USP38: variants seen among roughly 807,000 people sequenced by gnomAD.
USP38 encodes the protein ubiquitin specific peptidase 38.
A neutral mutation model predicts 94.3 loss-of-function variants in USP38; 49 were observed. That is an observed-to-expected ratio of 0.52 (90% CI 0.41 to 0.66). The LOEUF (loss-of-function observed/expected upper bound fraction) is 0.66. Ranked by LOEUF, USP38 falls within the 30% of genes least tolerant of loss-of-function variation. The probability of loss-of-function intolerance (pLI) is 0.00; values close to 1 mark genes in which losing one functional copy is unlikely to be tolerated. For synonymous variants in USP38, 468 were observed against 463.6 expected, an observed-to-expected ratio of 1.01 and a Z score of -0.12; for missense variants, 1,128 against 1,229.4, an observed-to-expected ratio of 0.92 and a Z score of 1.23.
chr4:143,194,918 T>G (rs900737571), intron 2 of USP38, among the ~76,000 whole-genome samples: 3 of 151,776 alleles, frequency 2.0e-5, no homozygotes, highest in Non-Finnish European at 2.9e-5. Context: ...TTCACTAAAT[T>G]GGGTAATTTA....
chr4:143,188,015 A>G, intron 2 of USP38, 54 bp downstream of exon 2: 1 of 1,517,596 alleles, frequency 6.6e-7, no homozygotes, highest in Non-Finnish European at 8.8e-7. Context: ...AAGAGGAAGT[A>G]TTTTGTATTT....
At chr4:143,197,401 T>C (rs1406269264) in intron 3 of USP38, among the ~76,000 whole-genome samples, 1 of 152,206 alleles carries the variant, frequency 6.6e-6, no homozygotes, top group Non-Finnish European at 1.5e-5. Context: ...TTTTATTGTT[T>C]CTACCTGCCC....
In USP38 at chr4:143,195,966, T is replaced by G. The variant is rs148341008; in HGVS notation, c.948+121T>G. ...TATGTTATTGTTGTTTTGTTTTGAATAACAGTTTGAATAGGCTTTAGAAAT... is the reference window on the plus strand; with the variant it reads ...TATGTTATTGTTGTTTTGTTTTGAAGAACAGTTTGAATAGGCTTTAGAAAT... On this transcript the variant is annotated intron_variant, in intron 3 of 9. Transcript: ENST00000307017. 1.7e-5 allele frequency: 17 copies of G among 989,778 alleles called. No individual in the cohort carries two copies. In the African/African-American group the frequency reaches 1.8e-4, roughly 11 times the overall value. 61.3% of individuals were successfully genotyped at this position (989,778 alleles called of 1,614,324 possible).
At chr4:143,205,901 C>T in intron 5 of USP38, 132 bp from the exon 6 acceptor site, 1 of 634,248 alleles carries the variant, frequency 1.6e-6, no homozygotes, top group Non-Finnish European at 2.4e-6. Flanking sequence ...CTGCCAGTTA[C>T]TTCAAAACTA....
At position 143,203,537 on chromosome 4, in the gene USP38, CTCTAT is replaced by C; in HGVS notation, c.1181_1185del (p.Leu394ArgfsTer12). 6.2e-7 allele frequency: 1 copy of C among 1,612,324 alleles called. No individual in the cohort carries two copies. The highest frequency in any genetic ancestry group is 8.5e-7 in the Non-Finnish European group (1 of 1,179,398). On this transcript the variant is annotated frameshift_variant, in exon 5 of 10. Coordinates refer to ENST00000307017, the MANE Select transcript of USP38 (RefSeq NM_032557.6). LOFTEE classifies it high-confidence loss of function. ...GTATCATTATTCTGGATTTCCAGAT[CTCTAT>C]GAACCTATTCTGGAGGCAATAAAGG... is the stretch of plus-strand genomic sequence containing the variant.
intron 9 of USP38, among the ~76,000 whole-genome samples, chr4:143,216,463 A>G (rs1252261134): frequency 6.6e-6 from 1 of 150,744 alleles, no homozygotes; most frequent in Non-Finnish European, 1.5e-5. Context: ...GCAAAAATAC[A>G]ATAATAAATA....
intron 6 of USP38, 94 bp downstream of exon 6, chr4:143,206,320 T>C: frequency 9.4e-7 from 1 of 1,068,470 alleles, no homozygotes; most frequent in Non-Finnish European, 1.3e-6. Flanking sequence ...CATTATTCCT[T>C]ATAAATGGCA....
In USP38 at chr4:143,213,969, G is replaced by A; in HGVS notation, c.1993G>A (p.Ala665Thr). The A allele has an allele frequency of 2.5e-6, 4 of 1,613,560 alleles. No individual in the cohort carries two copies. The highest frequency in any genetic ancestry group is 2.5e-6 in the Non-Finnish European group (3 of 1,179,810). Residue 665 changes from alanine (A) to threonine (T), a missense_variant, in exon 9 of 10, where the codon GCT becomes ACT. Transcript: ENST00000307017. Reference sequence around the variant, plus strand: ...ACCAGTAGTTTATAATCCAACAACAGCTGCCTTCATCTGTGACTCACTTGT... The same window carrying A: ...ACCAGTAGTTTATAATCCAACAACAACTGCCTTCATCTGTGACTCACTTGT... ...EEPVVYNPTT[A>T]AFICDSLVNE...
Position 143,187,860 on chromosome 4 carries a change from C to A in USP38, c.717C>A (p.Ser239Arg), listed in dbSNP as rs1351645040. The change falls in exon 2 of 10, where the codon AGC (serine) becomes AGA (arginine). Residue 239 changes from serine (S) to arginine (R), a missense_variant. By Grantham distance (110) the Ser-to-Arg change is moderately radical (BLOSUM62 -1). Transcript: ENST00000307017. ...ASFEPSVALA[S>R]LVQHIPLQMI... The stretch of plus-strand genomic sequence containing the variant: ...TTGAACCTTCTGTAGCATTGGCAAG[C>A]CTTGTGCAGCATATTCCTCTTCAGA... The A allele has an allele frequency of 1.2e-6, 2 of 1,613,218 alleles. No homozygotes were observed. Among genetic ancestry groups the A allele is most frequent in the South Asian group, 2.2e-5 (2 of 90,948 alleles).
intron 1 of USP38, among the ~76,000 whole-genome samples, chr4:143,187,500 T>C (rs1731264280): frequency 6.6e-6 from 1 of 152,226 alleles, no homozygotes; most frequent in South Asian, 2.1e-4. Context: ...ATTTCCTTTC[T>C]GATTAGTGAT....
intron 9 of USP38, among the ~76,000 whole-genome samples, chr4:143,215,752 A>T (rs1351596221): frequency 6.6e-6 from 1 of 152,126 alleles, no homozygotes; most frequent in African/African-American, 2.4e-5. Flanking sequence ...ATACAGATAG[A>T]ATAAGAAATG....
At chr4:143,208,876 T>C (rs1008631052) in intron 6 of USP38, among the ~76,000 whole-genome samples, 2 of 152,036 alleles carry the variant, frequency 1.3e-5, no homozygotes, top group Non-Finnish European at 2.9e-5. Context: ...TCAGTAGTTT[T>C]GTATTTTATA....
At chr4:143,211,688 C>T (rs1463494682) in intron 7 of USP38, among the ~76,000 whole-genome samples, 1 of 152,104 alleles carries the variant, frequency 6.6e-6, no homozygotes, top group African/African-American at 2.4e-5. Flanking sequence ...CTTTTCAGTT[C>T]TTTTTTGTCA....
At chr4:143,219,981 A>C (rs925713949) in intron 9 of USP38, among the ~76,000 whole-genome samples, 1 of 152,110 alleles carries the variant, frequency 6.6e-6, no homozygotes, top group Non-Finnish European at 1.5e-5. Context: ...TCCTTTATTC[A>C]TACATTTAAC....
Position 143,214,587 on chromosome 4 carries a change from T to C in USP38, c.2611T>C (p.Ser871Pro). 4 of 1,613,604 alleles carry C rather than the reference T, an allele frequency of 2.5e-6. No individual in the cohort carries two copies. Among genetic ancestry groups the C allele is most frequent in the Non-Finnish European group, 3.4e-6 (4 of 1,179,794 alleles). The change falls in exon 9 of 10, where the codon TCA becomes CCA. Residue 871 changes from serine (S) to proline (P), a missense_variant. Transcript: ENST00000307017. Reference protein sequence around the residue: ...YARNITSTDSSYQMYHQSEAL... With the variant: ...YARNITSTDSPYQMYHQSEAL... Reference sequence around the variant, plus strand: ...CAGGAATATCACAAGTACAGACTCTTCATATCAGATGTACCACCAGTCTGA... The same window carrying C: ...CAGGAATATCACAAGTACAGACTCTCCATATCAGATGTACCACCAGTCTGA...
In USP38 at chr4:143,223,656, T is replaced by TTTGTAC. The variant is rs1477859732; in HGVS notation, c.*3201_*3202insTGTACT. The TTTGTAC allele has an allele frequency of 6.6e-6, 1 of 152,132 alleles. No individual in the cohort carries two copies. The highest frequency in any genetic ancestry group is 1.5e-5 in the Non-Finnish European group (1 of 68,000). 9.4% of individuals were successfully genotyped at this position (152,132 alleles called of 1,614,324 possible). A position where few individuals can be genotyped will look rare whatever the true frequency, so the allele number is the denominator to read the frequency against. ...ACTGTTTGTCCAGTTACTGGAGATC[T>TTTGTAC]TCATTTTGATGCTTTGTACTTTGTT... On this transcript the variant is annotated 3_prime_UTR_variant, in exon 10 of 10. Coordinates refer to ENST00000307017, the MANE Select transcript of USP38 (RefSeq NM_032557.6).
At chr4:143,207,952 A>G (rs944559459) in intron 6 of USP38, among the ~76,000 whole-genome samples, 2 of 152,184 alleles carry the variant, frequency 1.3e-5, no homozygotes, top group East Asian at 1.9e-4. Flanking sequence ...TAAATTTTAT[A>G]TAGAATAAAA....
intron 9 of USP38, among the ~76,000 whole-genome samples, chr4:143,218,986 T>G (rs956884870): frequency 3.3e-5 from 5 of 152,050 alleles, no homozygotes; most frequent in Admixed American, 2.0e-4. Context: ...TACGTTAATT[T>G]TATAGATCAA....
At chr4:143,209,125 C>T (rs1731954801) in intron 6 of USP38, among the ~76,000 whole-genome samples, 1 of 151,934 alleles carries the variant, frequency 6.6e-6, no homozygotes, top group African/African-American at 2.4e-5. Context: ...AAATTAATGG[C>T]TTAACCTATT....
Sources: gnomAD v4.1 joint callset for allele counts (sites outside exome capture counted in the v4.1 genomes callset) on GRCh38, gnomAD v4.1.1 for gene constraint, MANE v1.5 for transcripts, NCBI Gene and HGNC (gene_info 2026-07-23, HGNC 2026-07-21) for gene names.